The following WNT7A variants were observed in gnomAD, a reference collection of about 807,000 sequenced individuals.
The protein encoded by WNT7A is protein Wnt-7a.
Under a neutral mutation model 28.2 loss-of-function variants are expected in WNT7A, and 16 were observed. The ratio of observed to expected loss-of-function variants is 0.57; its 90% CI spans 0.38 to 0.86. The LOEUF (loss-of-function observed/expected upper bound fraction) is 0.86, where lower values mean the gene tolerates loss of function less well. WNT7A is among the 40% of genes least tolerant of loss of function. WNT7A has a pLI of 0.00. For synonymous variants in WNT7A, 190 were observed against 195.9 expected (o/e 0.97, Z 0.25); for missense variants, 411 against 489.7 (o/e 0.84, Z 1.52).
chr3:13,844,679 C>T (rs189295331), intron 3 of WNT7A, among the ~76,000 whole-genome samples: 14 of 152,328 alleles, frequency 9.2e-5, no homozygotes, highest in Admixed American at 2.0e-4. Context: ...AGTGTCTCAA[C>T]GCACACTGAA....
chr3:13,821,584 C>A (rs1216356854), intron 3 of WNT7A, among the ~76,000 whole-genome samples: 1 of 152,186 alleles, frequency 6.6e-6, no homozygotes, highest in Non-Finnish European at 1.5e-5. Flanking sequence ...CACAATAGGG[C>A]AATGACAATG....
At chr3:13,836,064 G>A (rs1694362741) in intron 3 of WNT7A, among the ~76,000 whole-genome samples, 1 of 152,162 alleles carries the variant, frequency 6.6e-6, no homozygotes. Flanking sequence ...GAGTTTCTTT[G>A]AGGGGTGCTG....
intron 3 of WNT7A, among the ~76,000 whole-genome samples, chr3:13,824,908 A>G (rs541017044): frequency 4.3e-4 from 65 of 152,330 alleles, no homozygotes; most frequent in African/African-American, 1.4e-3. Flanking sequence ...CTGGTTATGT[A>G]AATTACGGCA....
chr3:13,854,870 C>G (rs1395809502), intron 2 of WNT7A, 67 bp from the exon 3 acceptor site: 3 of 1,599,258 alleles, frequency 1.9e-6, no homozygotes, highest in Non-Finnish European at 2.6e-6. Context: ...GAGGCTGGGC[C>G]TGACTGAAGA....
intron 1 of WNT7A, among the ~76,000 whole-genome samples, chr3:13,876,162 C>T (rs917182352): frequency 6.6e-6 from 1 of 152,166 alleles, no homozygotes; most frequent in Non-Finnish European, 1.5e-5. Flanking sequence ...TCTGAATTGC[C>T]AGGAGGCATC....
intron 2 of WNT7A, among the ~76,000 whole-genome samples, chr3:13,865,338 G>A (rs375987666): frequency 1.7e-4 from 26 of 152,166 alleles, no homozygotes; most frequent in Admixed American, 1.4e-3. Flanking sequence ...GGCAGTAGGC[G>A]GCAGGTGGAG....
intron 2 of WNT7A, among the ~76,000 whole-genome samples, chr3:13,865,537 A>G (rs1203902333): frequency 2.6e-5 from 4 of 152,372 alleles, no homozygotes; most frequent in Admixed American, 6.5e-5. Flanking sequence ...ATGGAGCTCA[A>G]TGAAAATGTG....
At chr3:13,849,770 G>A (rs562261942) in intron 3 of WNT7A, among the ~76,000 whole-genome samples, 2 of 152,328 alleles carry the variant, frequency 1.3e-5, no homozygotes, top group South Asian at 2.1e-4. Flanking sequence ...GGAATTGAAG[G>A]AATACAAGGA....
intron 2 of WNT7A, among the ~76,000 whole-genome samples, chr3:13,860,796 C>A (rs1313088727): frequency 6.6e-6 from 1 of 152,136 alleles, no homozygotes; most frequent in African/African-American, 2.4e-5. Flanking sequence ...TTCCCGAATG[C>A]CTAAGATAAA....
intron 3 of WNT7A, among the ~76,000 whole-genome samples, chr3:13,836,808 C>T (rs189605285): frequency 2.0e-3 from 307 of 152,312 alleles, no homozygotes; most frequent in African/African-American, 6.9e-3. Flanking sequence ...ACTGGAAATT[C>T]GAGGGAAGGG....
chr3:13,823,251 C>T lies in WNT7A; in HGVS notation c.571-3828G>A, dbSNP rs149057557. ...TGCCCGAGGGGACTTATGAGCTCAC[C>T]TCCCCACTTGAAGAGCCTGGGCTCT... is the stretch of plus-strand genomic sequence containing the variant. On this transcript the variant is annotated intron_variant, in intron 3 of 3. Coordinates refer to ENST00000285018, the MANE Select transcript of WNT7A (RefSeq NM_004625.4). 7.6e-4 allele frequency among the ~76,000 whole-genome samples: 116 copies of T among 152,276 alleles called. 2 individuals are homozygous for T. In the East Asian group the frequency reaches 0.017, roughly 23 times the overall value.
intron 1 of WNT7A, among the ~76,000 whole-genome samples, chr3:13,878,634 G>A (rs941038919): frequency 6.6e-6 from 1 of 152,284 alleles, no homozygotes; most frequent in East Asian, 1.9e-4. Flanking sequence ...TGACGGGGTA[G>A]GGGGGTAGTA....
intron 3 of WNT7A, among the ~76,000 whole-genome samples, chr3:13,844,383 C>A (rs1337757826): frequency 6.6e-6 from 1 of 152,252 alleles, no homozygotes; most frequent in Non-Finnish European, 1.5e-5. Flanking sequence ...TTGCAGTGAG[C>A]AGCTGAGTGC....
intron 3 of WNT7A, among the ~76,000 whole-genome samples, chr3:13,850,367 C>T (rs9858382): frequency 0.071 from 10,752 of 152,278 alleles, 762 homozygotes; most frequent in African/African-American, 0.17. Context: ...GGGCTGGTCC[C>T]TGGTGTCCCC....
intron 2 of WNT7A, among the ~76,000 whole-genome samples, chr3:13,874,388 GCC>G (rs1559309151): frequency 4.0e-4 from 60 of 151,492 alleles, no homozygotes; most frequent in Non-Finnish European, 1.9e-4. Context: ...GTCTGCACAC[GCC>G]ATTCCCATAA....
intron 2 of WNT7A, among the ~76,000 whole-genome samples, chr3:13,865,729 A>G (rs778742046): frequency 1.3e-5 from 2 of 152,148 alleles, no homozygotes; most frequent in Non-Finnish European, 2.9e-5. Flanking sequence ...GGTAGAAAGG[A>G]GCTGGCCTGC....
At chr3:13,849,529 T>C (rs1446255563) in intron 3 of WNT7A, among the ~76,000 whole-genome samples, 1 of 152,178 alleles carries the variant, frequency 6.6e-6, no homozygotes, top group Non-Finnish European at 1.5e-5. Flanking sequence ...GCACTTACGA[T>C]GCGCCAGGCA....
chr3:13,858,812 C>T (rs34023560), intron 2 of WNT7A, among the ~76,000 whole-genome samples: 59 of 152,192 alleles, frequency 3.9e-4, no homozygotes, highest in Middle Eastern at 3.4e-3. Flanking sequence ...ACTTTTGACT[C>T]TTGCCATTAA....
intron 3 of WNT7A, among the ~76,000 whole-genome samples, chr3:13,852,611 C>A (rs1158987202): frequency 1.3e-5 from 2 of 152,184 alleles, no homozygotes; most frequent in Non-Finnish European, 2.9e-5. Context: ...TTTGTTCCTG[C>A]CCTCGTCGGG....
Sources: allele counts gnomAD v4.1 joint callset (sites outside exome capture counted in the v4.1 genomes callset), GRCh38; gene constraint gnomAD v4.1.1; transcripts MANE v1.5; gene names NCBI Gene and HGNC (gene_info 2026-07-23, HGNC 2026-07-21).